Variants in AFF2 observed in about 807,000 individuals in gnomAD.
AFF2 encodes the protein ALF transcription elongation factor 2.
AFF2 carries 14 observed loss-of-function variants against 76.9 expected under a neutral mutation model. The observed-to-expected ratio is 0.18, with a 90% CI of 0.12 to 0.28. The LOEUF is 0.28. AFF2 is among the 10% of genes least tolerant of loss of function. The pLI is 1.00. For missense variants in AFF2, 868 were observed against 1,001.1 expected, an observed-to-expected ratio of 0.87 and a Z score of 1.79; for synonymous variants, 398 against 366.7, an observed-to-expected ratio of 1.09 and a Z score of -0.98.
At chrX:148,585,423 G>T (rs905914604) in intron 1 of AFF2, among the ~76,000 whole-genome samples, 4 of 112,022 alleles carry the variant, frequency 3.6e-5, no homozygotes, top group African/African-American at 1.3e-4. Context: ...GATCTTGTGA[G>T]ACCAAAATAA....
rs782563645 is a variant in AFF2, at chrX:148,994,702, TGCATTGGAAAGATACTCTTCTA to T, written c.*3375_*3396del. ...ATCACTAAATTCATTAGATTTTGTC[TGCATTGGAAAGATACTCTTCTA>T]GCATATCTTTCCCAAAGATATCTAA... On this transcript the variant is annotated 3_prime_UTR_variant, in exon 21 of 21. Transcript: ENST00000370460. The T allele has an allele frequency of 1.8e-5, 2 of 112,539 alleles. No individual in the cohort carries two copies. Among genetic ancestry groups the T allele is most frequent in the Non-Finnish European group, 3.7e-5 (2 of 53,339 alleles). 9.3% of individuals were successfully genotyped at this position (112,539 alleles called of 1,213,427 possible). A position where few individuals can be genotyped will look rare whatever the true frequency, so the allele number is the denominator to read the frequency against.
intron 7 of AFF2, among the ~76,000 whole-genome samples, chrX:148,871,639 G>A (rs2070977370): frequency 9.0e-6 from 1 of 111,525 alleles, no homozygotes; most frequent in Non-Finnish European, 1.9e-5. Flanking sequence ...TTGCGAATGG[G>A]GGCAGGTGAT....
chrX:148,518,422 C>T (rs1472180811), intron 1 of AFF2, among the ~76,000 whole-genome samples: 3 of 112,478 alleles, frequency 2.7e-5, no homozygotes, highest in African/African-American at 9.7e-5. Flanking sequence ...AGAAGTTATC[C>T]ACGACCATGG....
At chrX:148,741,601 C>G (rs923354870) in intron 3 of AFF2, among the ~76,000 whole-genome samples, 12 of 111,163 alleles carry the variant, frequency 1.1e-4, no homozygotes, top group Non-Finnish European at 2.1e-4. Flanking sequence ...TAGTTCTTCA[C>G]CCTGCCTGTG....
rs2074611850 is a variant in AFF2 at position 148,993,441 on chromosome X, AG to A, written c.*2110del. ...GTCTCTTTATCATGGTTTACCAGGTAGAGTGCCTGGCTATTACTATATAATG... is the reference window on the plus strand; with the variant it reads ...GTCTCTTTATCATGGTTTACCAGGTAAGTGCCTGGCTATTACTATATAATG... On this transcript the variant is annotated 3_prime_UTR_variant, in exon 21 of 21. Transcript: ENST00000370460. 1 of 112,300 alleles carries A rather than the reference AG, an allele frequency of 8.9e-6. No individual in the cohort carries two copies. Among genetic ancestry groups the A allele is most frequent in the Non-Finnish European group, 1.9e-5 (1 of 53,294 alleles). The allele number at this position is 112,300 out of a possible 1,213,427, so 9.3% of individuals were successfully genotyped here. A position where few individuals can be genotyped will look rare whatever the true frequency, so the allele number is the denominator to read the frequency against.
intron 1 of AFF2, among the ~76,000 whole-genome samples, chrX:148,584,798 C>T (rs1381659809): frequency 9.0e-6 from 1 of 110,685 alleles, no homozygotes; most frequent in Non-Finnish European, 1.9e-5. Context: ...CTCGGCCTCC[C>T]ATTGTGCTGG....
intron 1 of AFF2, among the ~76,000 whole-genome samples, chrX:148,618,378 G>A (rs915154676): frequency 2.2e-4 from 24 of 111,230 alleles, no homozygotes; most frequent in Admixed American, 9.5e-5. Flanking sequence ...TCTTCACATG[G>A]TGGCAGGAAG....
At chrX:148,549,300 G>A (rs2052963911) in intron 1 of AFF2, among the ~76,000 whole-genome samples, 1 of 112,313 alleles carries the variant, frequency 8.9e-6, no homozygotes, top group Non-Finnish European at 1.9e-5. Context: ...TGAATGCGTG[G>A]AAGAAGGAAT....
At chrX:148,671,597 C>T (rs1345874158) in intron 3 of AFF2, among the ~76,000 whole-genome samples, 3 of 111,189 alleles carry the variant, frequency 2.7e-5, no homozygotes, top group East Asian at 5.7e-4. Flanking sequence ...TTATCTCCCC[C>T]ACCCATAACC....
chrX:148,952,565 G>A (rs2071981846), intron 9 of AFF2, among the ~76,000 whole-genome samples: 2 of 111,629 alleles, frequency 1.8e-5, no homozygotes, highest in South Asian at 7.6e-4. Context: ...CTGAGAGAAA[G>A]CAAAATTCAG....
intron 3 of AFF2, among the ~76,000 whole-genome samples, chrX:148,760,356 A>G (rs1281417898): frequency 6.2e-5 from 7 of 112,176 alleles, no homozygotes; most frequent in African/African-American, 2.3e-4. Flanking sequence ...GCCTTCTTAA[A>G]AAGAACTCCA....
chrX:148,769,169 G>C lies in AFF2; in HGVS notation c.1042-40707G>C, dbSNP rs1456363662. On this transcript the variant is annotated intron_variant, in intron 3 of 20. Transcript: ENST00000370460. ...GAAGAAAACTTGGTAGATGAAAAAT[G>C]ATATTATAAGACAAGTACATTAGAA... Among the ~76,000 whole-genome samples, 3 of 111,502 alleles carry C rather than the reference G, an allele frequency of 2.7e-5. No individual in the cohort carries two copies. The East Asian group carries it at 8.5e-4, about 32-fold the overall frequency.
chrX:148,533,079 A>AG (rs1187244354), intron 1 of AFF2, among the ~76,000 whole-genome samples: 1 of 111,761 alleles, frequency 8.9e-6, no homozygotes. Flanking sequence ...ACAGAACTCA[A>AG]GGTCAATTAT....
At chrX:148,711,441 A>G (rs182054252) in intron 3 of AFF2, among the ~76,000 whole-genome samples, 200 of 112,197 alleles carry the variant, frequency 1.8e-3, no homozygotes, top group Admixed American at 3.0e-3. Context: ...TAATTTTCAC[A>G]TTATTTCACC....
At chrX:148,534,341 A>G (rs1020510418) in intron 1 of AFF2, among the ~76,000 whole-genome samples, 1 of 112,741 alleles carries the variant, frequency 8.9e-6, no homozygotes. Context: ...TGTGACTACC[A>G]TGAAGATCAA....
intron 14 of AFF2, among the ~76,000 whole-genome samples, chrX:148,967,319 T>C (rs1319009217): frequency 8.9e-6 from 1 of 111,794 alleles, no homozygotes; most frequent in African/African-American, 3.3e-5. Flanking sequence ...GGTTGTTCTG[T>C]CCTTTCCTAT....
intron 1 of AFF2, among the ~76,000 whole-genome samples, chrX:148,581,540 ATACGTC>A (rs1308379510): frequency 3.2e-5 from 3 of 95,032 alleles, no homozygotes; most frequent in African/African-American, 4.1e-5. Flanking sequence ...ATATATACGT[ATACGTC>A]TACGTGTACA....
intron 2 of AFF2, among the ~76,000 whole-genome samples, chrX:148,657,843 T>C (rs1557257315): frequency 1.8e-5 from 2 of 112,424 alleles, no homozygotes; most frequent in African/African-American, 6.5e-5. Flanking sequence ...TCAATCAAGA[T>C]TACCAAGAAT....
rs1009378232 is a variant in AFF2, at chrX:148,587,341, T to C, written c.48-64658T>C. 7.1e-5 allele frequency among the ~76,000 whole-genome samples: 8 copies of C among 112,391 alleles called. No homozygotes were observed. The South Asian group carries it at 1.8e-3, about 26-fold the overall frequency. On this transcript the variant is annotated intron_variant, in intron 1 of 20. Coordinates refer to ENST00000370460, the MANE Select transcript of AFF2 (RefSeq NM_002025.4). ...CCAAAATTGAATGACCAATGGGAAA[T>C]TACTTTTAAATATATTACTCATGAT...
Sources: gnomAD v4.1 joint callset for allele counts (sites outside exome capture counted in the v4.1 genomes callset) on GRCh38, gnomAD v4.1.1 for gene constraint, MANE v1.5 for transcripts, NCBI Gene and HGNC (gene_info 2026-07-23, HGNC 2026-07-21) for gene names.